Variants in UGT3A2 observed in about 807,000 individuals in gnomAD.
UGT3A2 encodes UDP glycosyltransferase family 3 member A2, also known as UDP-glycosyltransferase 3A2.
UGT3A2 carries 32 observed loss-of-function variants against 39.8 expected under a neutral mutation model. The observed-to-expected ratio is 0.80, with a 90% CI of 0.61 to 1.08. The LOEUF is 1.08. Ranked by LOEUF, UGT3A2 falls within the 50% of genes least tolerant of loss-of-function variation. The pLI, the probability that UGT3A2 is intolerant of heterozygous loss-of-function variation, is 0.00. For missense variants in UGT3A2, 611 were observed against 637.1 expected (o/e 0.96, Z 0.44); for synonymous variants, 241 against 230.7 (o/e 1.04, Z -0.40).
intron 2 of UGT3A2, among the ~76,000 whole-genome samples, chr5:36,063,994 A>G (rs1186513086): frequency 6.6e-6 from 1 of 152,192 alleles, no homozygotes; most frequent in Non-Finnish European, 1.5e-5. Context: ...ATAATCCATA[A>G]TAATGAGTGG....
At chr5:36,060,645 T>G (rs541063083) in intron 2 of UGT3A2, among the ~76,000 whole-genome samples, 1 of 152,330 alleles carries the variant, frequency 6.6e-6, no homozygotes, top group Non-Finnish European at 1.5e-5. Context: ...GTTTTCATTT[T>G]TACGTTCGTC....
chr5:36,041,589 CTCTGCCTGG>C (rs1426605511), intron 4 of UGT3A2, among the ~76,000 whole-genome samples: 2 of 152,244 alleles, frequency 1.3e-5, no homozygotes, highest in Non-Finnish European at 2.9e-5. Flanking sequence ...GAGAACCAGA[CTCTGCCTGG>C]TAATCCAAGG....
chr5:36,041,444 T>C, intron 4 of UGT3A2, among the ~76,000 whole-genome samples: 1 of 152,054 alleles, frequency 6.6e-6, no homozygotes, highest in East Asian at 1.9e-4. Flanking sequence ...CAGTGCTGTG[T>C]TGGTTTCAAG....
In UGT3A2 at chr5:36,035,870, C is replaced by G. The variant is rs1178032777; in HGVS notation, c.1400G>C (p.Gly467Ala). 2 of 1,614,162 alleles carry G rather than the reference C, an allele frequency of 1.2e-6. No individual in the cohort carries two copies. The highest frequency in any genetic ancestry group is 3.3e-5 in the Admixed American group (2 of 60,026). ...GWIDHVLQTG[G>A]ATHLKPYVFQ... is the part of the protein sequence containing the mutation. ...GACATAGGGCTTGAGGTGCGTCGCG[C>G]CCCCTGTCTGGAGGACGTGGTCAAT... The change falls in exon 7 of 7, where the codon GGC (glycine) becomes GCC (alanine). Residue 467 changes from glycine to alanine, a missense_variant. Gly to Ala is a moderately conservative substitution (Grantham distance 60). Coordinates refer to ENST00000282507, the MANE Select transcript of UGT3A2 (RefSeq NM_174914.4).
chr5:36,035,743 C>T lies in UGT3A2; in HGVS notation c.1527G>A (p.Met509Ile). The stretch of plus-strand genomic sequence containing the variant: ...TGGCCCCACGCAGCCACCAGACAGC[C>T]ATGCCCAGCAGCTTCCCACAAAGCC... ...TLWLCGKLLG[M>I]AVWWLRGARK... Residue 509 changes from methionine to isoleucine, a missense_variant, in exon 7 of 7, where the codon ATG becomes ATA. Physicochemically the swap from Met to Ile is conservative, Grantham distance 10 (BLOSUM62 1). Coordinates refer to ENST00000282507, the MANE Select transcript of UGT3A2 (RefSeq NM_174914.4). The T allele has an allele frequency of 6.2e-7, 1 of 1,614,180 alleles. No individual in the cohort carries two copies. The highest frequency in any genetic ancestry group is 8.5e-7 in the Non-Finnish European group (1 of 1,180,032).
Position 36,049,257 on chromosome 5 carries a change from C to G in UGT3A2, c.475G>C (p.Gly159Arg), listed in dbSNP as rs1742266336. 6.2e-7 allele frequency: 1 copy of G among 1,613,968 alleles called. No homozygotes were observed. The highest frequency in any genetic ancestry group is 8.5e-7 in the Non-Finnish European group (1 of 1,179,982). The change falls in exon 4 of 7, where the codon GGG (glycine) becomes CGG (arginine). Residue 159 changes from glycine (G) to arginine (R), a missense_variant. Transcript: ENST00000282507. Reference protein sequence around the residue: ...YCPFLIAEKLGKPFVAILSTS... With the variant: ...YCPFLIAEKLRKPFVAILSTS... ...GAAAGAATGGCCACAAATGGCTTCC[C>G]AAGCTTCTCAGCAATCAGGAAAGGA... is the stretch of plus-strand genomic sequence containing the variant.
chr5:36,052,023 T>C, intron 2 of UGT3A2, 39 bp from the exon 3 acceptor site: 1 of 1,310,820 alleles, frequency 7.6e-7, no homozygotes, highest in Non-Finnish European at 1.1e-6. Flanking sequence ...AAGTTAAATA[T>C]GCTACACAAA....
intron 2 of UGT3A2, among the ~76,000 whole-genome samples, chr5:36,061,805 T>G (rs1210453541): frequency 5.3e-5 from 8 of 151,424 alleles, no homozygotes; most frequent in East Asian, 1.9e-4. Context: ...AGATCCCTGA[T>G]GAATCGCCAC....
intron 2 of UGT3A2, among the ~76,000 whole-genome samples, chr5:36,062,561 G>A (rs1474862173): frequency 9.2e-5 from 14 of 151,382 alleles, no homozygotes; most frequent in East Asian, 3.9e-4. Flanking sequence ...GTAGATATGC[G>A]GCGTTATTTC....
intron 4 of UGT3A2, among the ~76,000 whole-genome samples, chr5:36,046,381 T>C (rs74362789): frequency 0.04 from 6,108 of 152,202 alleles, 194 homozygotes; most frequent in East Asian, 0.12. Flanking sequence ...ATCAGATGAA[T>C]GGATAAGGAA....
chr5:36,064,099 T>C (rs1056618138), intron 2 of UGT3A2, 150 bp downstream of exon 2: 3 of 684,584 alleles, frequency 4.4e-6, no homozygotes, highest in Non-Finnish European at 4.7e-6. Context: ...CTAAGAAGTT[T>C]TTTGGCACTT....
Position 36,039,681 on chromosome 5 carries a change from C to T in UGT3A2, c.871G>A (p.Gly291Arg), listed in dbSNP as rs748011025. 6.2e-7 allele frequency: 1 copy of T among 1,614,122 alleles called. No individual in the cohort carries two copies. Among genetic ancestry groups the T allele is most frequent in the Non-Finnish European group, 8.5e-7 (1 of 1,180,026 alleles). Residue 291 changes from glycine (G) to arginine (R), a missense_variant, in exon 5 of 7, where the codon GGG becomes AGG. Coordinates refer to ENST00000282507, the MANE Select transcript of UGT3A2 (RefSeq NM_174914.4). ...GTCACAAGGACAAAACCAGAGTCCC[C>T]AAACTTGGCAATGAAGTTCTCCAAG... is the stretch of plus-strand genomic sequence containing the variant. ...QDLENFIAKF[G>R]DSGFVLVTLG...
chr5:36,059,519 G>C (rs1742621596), intron 2 of UGT3A2, among the ~76,000 whole-genome samples: 1 of 152,032 alleles, frequency 6.6e-6, no homozygotes, highest in Middle Eastern at 3.2e-3. Flanking sequence ...GCTACAGAAA[G>C]GCTAACTTTA....
chr5:36,035,772 GAGTCCCCAGAGTGAGCC>G lies in UGT3A2; in HGVS notation c.1481_1497del (p.Gly494AlafsTer65). The stretch of plus-strand genomic sequence containing the variant: ...CCCAGCAGCTTCCCACAAAGCCATA[GAGTCCCCAGAGTGAGCC>G]CCAGCAGAAACACAAAAACGTCGAG... On this transcript the variant is annotated frameshift_variant, in exon 7 of 7. Coordinates refer to ENST00000282507, the MANE Select transcript of UGT3A2 (RefSeq NM_174914.4). LOFTEE classifies it high-confidence loss of function. 1 of 1,614,124 alleles carries G rather than the reference GAGTCCCCAGAGTGAGCC, an allele frequency of 6.2e-7. No homozygotes were observed. Among genetic ancestry groups the G allele is most frequent in the South Asian group, 1.1e-5 (1 of 91,064 alleles).
chr5:36,062,250 G>A (rs1206739470), intron 2 of UGT3A2, among the ~76,000 whole-genome samples: 1 of 149,510 alleles, frequency 6.7e-6, no homozygotes, highest in African/African-American at 2.4e-5. Context: ...AGTTTAATTA[G>A]ATCCCATTTG....
At chr5:36,050,372 G>C (rs558759983) in intron 3 of UGT3A2, among the ~76,000 whole-genome samples, 2 of 152,260 alleles carry the variant, frequency 1.3e-5, no homozygotes, top group South Asian at 4.2e-4. Flanking sequence ...GTAAGTGCAA[G>C]AGCTCTAGAT....
chr5:36,062,467 C>A (rs1488067469), intron 2 of UGT3A2, among the ~76,000 whole-genome samples: 1 of 151,892 alleles, frequency 6.6e-6, no homozygotes, highest in African/African-American at 2.4e-5. Flanking sequence ...GTATGGCTAG[C>A]CAGTTTTCCC....
Position 36,066,708 on chromosome 5 carries a change from T to C in UGT3A2, c.82A>G (p.Ile28Val). The change falls in exon 1 of 7, where the codon ATA becomes GTA. Residue 28 changes from isoleucine to valine, a missense_variant. Ile to Val is a conservative substitution (Grantham distance 29). Coordinates refer to ENST00000282507, the MANE Select transcript of UGT3A2 (RefSeq NM_174914.4). ...LLSEAAKILT[I>V]STVGGSHYLL... ...GCCAAGCACTCACCTACTGTAGATA[T>C]TGTCAGGATTTTGGCAGCCTCTGAG... is the stretch of plus-strand genomic sequence containing the variant. 1 of 1,614,100 alleles carries C rather than the reference T, an allele frequency of 6.2e-7. No individual in the cohort carries two copies.
intron 4 of UGT3A2, among the ~76,000 whole-genome samples, chr5:36,041,589 C>T (rs1580998660): frequency 1.3e-5 from 2 of 152,126 alleles, no homozygotes; most frequent in Non-Finnish European, 2.9e-5. Flanking sequence ...GAGAACCAGA[C>T]TCTGCCTGGT....
Sources: gnomAD v4.1 joint callset for allele counts (sites outside exome capture counted in the v4.1 genomes callset) on GRCh38, gnomAD v4.1.1 for gene constraint, MANE v1.5 for transcripts, NCBI Gene and HGNC (gene_info 2026-07-23, HGNC 2026-07-21) for gene names.